The following ABCB4 variants were observed in gnomAD, a reference collection of about 807,000 sequenced individuals.
The protein encoded by ABCB4 is ATP binding cassette subfamily B member 4, also known as phosphatidylcholine translocator ABCB4.
In ABCB4, 76 loss-of-function variants were observed where a neutral mutation model predicts 145.7. The ratio of observed to expected loss-of-function variants is 0.52; its 90% CI spans 0.43 to 0.63. The LOEUF (loss-of-function observed/expected upper bound fraction) is 0.63. Ranked by LOEUF, ABCB4 falls within the 30% of genes least tolerant of loss-of-function variation. ABCB4 has a pLI of 0.00. For missense variants in ABCB4, 1,234 were observed against 1,553.1 expected (o/e 0.79, Z 3.45); for synonymous variants, 517 against 566.8 (o/e 0.91, Z 1.25).
Position 87,475,617 on chromosome 7 carries a change from G to A in ABCB4, c.-7+17C>T, listed in dbSNP as rs1584808337. On this transcript the variant is annotated intron_variant, in intron 1 of 27. Coordinates refer to ENST00000649586, the MANE Select transcript of ABCB4 (RefSeq NM_000443.4). ...CGGGTCTCCCTTCGAGGCCAGACGC[G>A]CCCGGACCTCTCTCACCTCGAACCT... 3 of 763,352 alleles carry A rather than the reference G, an allele frequency of 3.9e-6. No individual in the cohort carries two copies. The highest frequency in any genetic ancestry group is 4.5e-6 in the Non-Finnish European group (2 of 449,004). 47.3% of individuals were successfully genotyped at this position (763,352 alleles called of 1,614,324 possible). A position where few individuals can be genotyped will look rare whatever the true frequency, so the allele number is the denominator to read the frequency against.
intron 26 of ABCB4, among the ~76,000 whole-genome samples, chr7:87,405,539 G>A (rs184862683): frequency 6.8e-4 from 102 of 150,144 alleles, no homozygotes; most frequent in Middle Eastern, 6.9e-3. Flanking sequence ...CGATTCTCCC[G>A]CCTCAGCCTC....
At position 87,447,250 on chromosome 7, in the gene ABCB4, A is replaced by C. The variant is rs772590572; in HGVS notation, c.834-45T>G. On this transcript the variant is annotated intron_variant, in intron 8 of 27. Coordinates refer to ENST00000649586, the MANE Select transcript of ABCB4 (RefSeq NM_000443.4). ...GAAAACATTATAATTAAGAATAACA[A>C]TCCATAGTCCGAGTCACACTCGGCT... is the stretch of plus-strand genomic sequence containing the variant. The C allele has an allele frequency of 3.8e-6, 6 of 1,581,424 alleles. No homozygotes were observed. The African/African-American group carries it at 5.4e-5, about 14-fold the overall frequency.
intron 5 of ABCB4, among the ~76,000 whole-genome samples, chr7:87,453,473 A>C (rs1454758345): frequency 3.4e-5 from 5 of 149,188 alleles, no homozygotes; most frequent in African/African-American, 9.9e-5. Context: ...ATGAGCCACC[A>C]CCCCCACCCT....
At chr7:87,407,936 G>T in intron 25 of ABCB4, 101 bp downstream of exon 25, 1 of 1,480,658 alleles carries the variant, frequency 6.8e-7, no homozygotes, top group South Asian at 1.1e-5. Context: ...GTATCAAACA[G>T]GATTCTAGGT....
the ABCB4 span, among the ~76,000 whole-genome samples, chr7:87,389,075 A>C: frequency 6.6e-6 from 1 of 152,254 alleles, no homozygotes; most frequent in Non-Finnish European, 1.5e-5. Flanking sequence ...ACAATGAGAT[A>C]CCATCTTATG....
intron 2 of ABCB4, 80 bp from the exon 3 acceptor site, chr7:87,472,755 C>A: frequency 1.0e-6 from 1 of 972,910 alleles, no homozygotes. Flanking sequence ...TGTTTAGTTA[C>A]AATATTCAAC....
intron 15 of ABCB4, among the ~76,000 whole-genome samples, chr7:87,429,961 T>C (rs190524488): frequency 2.8e-4 from 42 of 151,646 alleles, no homozygotes; most frequent in Admixed American, 4.6e-4. Context: ...AATTAACATA[T>C]CACAAAATCC....
the ABCB4 span, among the ~76,000 whole-genome samples, chr7:87,366,708 A>G: frequency 1.3e-5 from 2 of 152,190 alleles, no homozygotes; most frequent in Admixed American, 1.3e-4. Context: ...ACTCCCAGGC[A>G]TACACATTCA....
In ABCB4 at chr7:87,409,139, G is replaced by A. The variant is rs1004671327; in HGVS notation, c.3081+97C>T. Reference sequence around the variant, plus strand: ...TACAAATTAAATGAAACACATGTTGGTGTAATCATCACAAACTTATCCTGT... The same window carrying A: ...TACAAATTAAATGAAACACATGTTGATGTAATCATCACAAACTTATCCTGT... On this transcript the variant is annotated intron_variant, in intron 24 of 27. Coordinates refer to ENST00000649586, the MANE Select transcript of ABCB4 (RefSeq NM_000443.4). 8 of 1,372,514 alleles carry A rather than the reference G, an allele frequency of 5.8e-6. No individual in the cohort carries two copies. The South Asian group carries it at 9.5e-5, about 16-fold the overall frequency. The allele number at this position is 1,372,514 out of a possible 1,614,324, so 85.0% of individuals were successfully genotyped here. A position where few individuals can be genotyped will look rare whatever the true frequency, so the allele number is the denominator to read the frequency against.
chr7:87,417,565 T>C (rs757989357), intron 20 of ABCB4, 50 bp from the exon 21 acceptor site: 2 of 1,481,210 alleles, frequency 1.4e-6, no homozygotes, highest in Non-Finnish European at 1.9e-6. Flanking sequence ...TCCAAATGCA[T>C]GCGCTCCAGC....
chr7:87,398,036 CTT>C (rs1807598867), downstream of ABCB4, among the ~76,000 whole-genome samples: 1 of 150,988 alleles, frequency 6.6e-6, no homozygotes, highest in Non-Finnish European at 1.5e-5. Flanking sequence ...GAAGGCATGA[CTT>C]GATCCCAAGA....
chr7:87,475,559 G>C (rs1813752652), intron 1 of ABCB4, 75 bp downstream of exon 1: 4 of 1,338,490 alleles, frequency 3.0e-6, no homozygotes, highest in Non-Finnish European at 4.2e-6. Flanking sequence ...ACTGGGTGGA[G>C]GTCCGGCCAC....
intron 17 of ABCB4, chr7:87,423,559 C>T: frequency 2.8e-6 from 1 of 357,394 alleles, no homozygotes; most frequent in South Asian, 2.4e-5. Context: ...TTAACCCCTC[C>T]CTGCTCCACT....
intron 3 of ABCB4, among the ~76,000 whole-genome samples, chr7:87,467,379 C>T (rs1236315611): frequency 1.3e-5 from 2 of 152,164 alleles, no homozygotes; most frequent in Non-Finnish European, 2.9e-5. Flanking sequence ...TCACCCAATA[C>T]AGGAGCACCA....
chr7:87,427,686 C>G (rs1002829207), intron 15 of ABCB4, among the ~76,000 whole-genome samples: 1 of 152,188 alleles, frequency 6.6e-6, no homozygotes, highest in Non-Finnish European at 1.5e-5. Context: ...CTCCTCCCTT[C>G]AAGACCTGCC....
chr7:87,448,390 T>C (rs73705210), intron 8 of ABCB4, among the ~76,000 whole-genome samples: 3,609 of 152,310 alleles, frequency 0.024, 153 homozygotes, highest in African/African-American at 0.081. Context: ...TCAGAAGGTT[T>C]GTCTTTTTTA....
chr7:87,472,776 T>C (rs1343925306), intron 2 of ABCB4, 101 bp from the exon 3 acceptor site: 1 of 880,208 alleles, frequency 1.1e-6, no homozygotes, highest in Admixed American at 2.2e-5. Flanking sequence ...TATTATATTT[T>C]CAAATATAAG....
chr7:87,436,736 T>C (rs1332085586), intron 14 of ABCB4, among the ~76,000 whole-genome samples: 3 of 151,950 alleles, frequency 2.0e-5, no homozygotes, highest in Non-Finnish European at 4.4e-5. Flanking sequence ...TTCCCTGGAG[T>C]AGTGGGGTAA....
chr7:87,447,003 A>ATT, intron 9 of ABCB4, 31 bp downstream of exon 9: 1 of 1,565,346 alleles, frequency 6.4e-7, no homozygotes, highest in African/African-American at 1.4e-5. Flanking sequence ...AGATTTTCAT[A>ATT]TTCTTCATAA....
Sources: allele counts gnomAD v4.1 joint callset (sites outside exome capture counted in the v4.1 genomes callset), GRCh38; gene constraint gnomAD v4.1.1; transcripts MANE v1.5; gene names NCBI Gene and HGNC (gene_info 2026-07-23, HGNC 2026-07-21).